GABRG1: variants seen among roughly 807,000 people sequenced by gnomAD.
GABRG1 encodes gamma-aminobutyric acid receptor subunit gamma-1.
GABRG1 carries 49 observed loss-of-function variants against 49.8 expected under a neutral mutation model. That is an observed-to-expected ratio of 0.98 (90% CI 0.78 to 1.25). The LOEUF is 1.25. GABRG1 is among the 50% of genes most tolerant of loss of function. GABRG1 has a pLI of 0.00. For missense variants in GABRG1, 552 were observed against 552.3 expected, an observed-to-expected ratio of 1.00 and a Z score of 0.01; for synonymous variants, 232 against 185.1, an observed-to-expected ratio of 1.25 and a Z score of -2.06.
intron 3 of GABRG1, among the ~76,000 whole-genome samples, chr4:46,075,522 A>G (rs997488023): frequency 4.0e-5 from 6 of 151,750 alleles, no homozygotes; most frequent in Non-Finnish European, 8.8e-5. Flanking sequence ...TAATTCCAGG[A>G]CTCCATCTGA....
chr4:46,097,966 T>C (rs1405714272), intron 1 of GABRG1, among the ~76,000 whole-genome samples: 1 of 151,768 alleles, frequency 6.6e-6, no homozygotes, highest in South Asian at 2.1e-4. Context: ...AGGTGACTCA[T>C]CTTGCACATA....
intron 4 of GABRG1, 87 bp from the exon 5 acceptor site, chr4:46,064,610 G>C: frequency 1.6e-6 from 1 of 613,992 alleles, no homozygotes; most frequent in Non-Finnish European, 2.7e-6. Flanking sequence ...ACAAGATTTT[G>C]TCATATGATA....
intron 8 of GABRG1, among the ~76,000 whole-genome samples, chr4:46,049,107 T>C (rs1468210684): frequency 2.0e-5 from 3 of 151,424 alleles, no homozygotes; most frequent in South Asian, 2.1e-4. Flanking sequence ...AATGGGGAGA[T>C]TGAAGGAAAG....
In GABRG1 at chr4:46,051,586, A is replaced by G. The variant is rs1718224344; in HGVS notation, c.969T>C (p.Ser323=). The change falls in exon 8 of 9, where the codon TCT becomes TCC. Residue 323 remains serine (S), a synonymous_variant. Coordinates refer to ENST00000295452, the MANE Select transcript of GABRG1 (RefSeq NM_173536.4). ...MTTLSTIARK[S]LPKVSYVTAM... ...CAGTCACATAAGAAACCTTAGGTAA[A>G]GACTTCCTGGCAATTGTACTCAGGG... is the stretch of plus-strand genomic sequence containing the variant. 1.9e-6 allele frequency: 3 copies of G among 1,611,516 alleles called. No homozygotes were observed. In the East Asian group the frequency reaches 6.7e-5, roughly 36 times the overall value.
In GABRG1 at chr4:46,038,781, C is replaced by T. The variant is rs1204820641; in HGVS notation, c.*2207G>A. On this transcript the variant is annotated 3_prime_UTR_variant, in exon 9 of 9. Transcript: ENST00000295452. Reference sequence around the variant, plus strand: ...ATCAAAATACCACTTGCTTTGAAAACAAAGTGCTTGCTTGATGGTATATAC... The same window carrying T: ...ATCAAAATACCACTTGCTTTGAAAATAAAGTGCTTGCTTGATGGTATATAC... The T allele has an allele frequency of 6.6e-6, 1 of 151,742 alleles. No homozygotes were observed. Among genetic ancestry groups the T allele is most frequent in the East Asian group, 1.9e-4 (1 of 5,158 alleles). 9.4% of individuals were successfully genotyped at this position (151,742 alleles called of 1,614,324 possible).
intron 1 of GABRG1, among the ~76,000 whole-genome samples, chr4:46,115,973 C>T (rs898325564): frequency 6.0e-5 from 9 of 150,558 alleles, no homozygotes; most frequent in Admixed American, 3.3e-4. Flanking sequence ...AGATTTTTTT[C>T]TTAATGCCTT....
intron 8 of GABRG1, among the ~76,000 whole-genome samples, chr4:46,041,974 T>G (rs13126067): frequency 0.56 from 85,244 of 151,802 alleles, 26,050 homozygotes; most frequent in African/African-American, 0.82. Context: ...GCTTTATTTG[T>G]AACATGTTAA....
intron 5 of GABRG1, among the ~76,000 whole-genome samples, chr4:46,063,162 A>C (rs985245921): frequency 1.3e-5 from 2 of 152,000 alleles, no homozygotes; most frequent in Non-Finnish European, 2.9e-5. Flanking sequence ...GAATTGGAAA[A>C]AACTACTTTA....
In GABRG1 at chr4:46,081,757, G is replaced by A. The variant is rs144615846; in HGVS notation, c.321+2229C>T. 4.6e-3 allele frequency among the ~76,000 whole-genome samples: 698 copies of A among 151,910 alleles called. 3 individuals are homozygous for A. The highest frequency in any genetic ancestry group is 6.7e-3 in the Non-Finnish European group (452 of 67,876). ...ACTTCAGAATGTGACTATATTTAAAGGCAGAGCATTTAAAGTCAACATGCG... is the reference window on the plus strand; with the variant it reads ...ACTTCAGAATGTGACTATATTTAAAAGCAGAGCATTTAAAGTCAACATGCG... On this transcript the variant is annotated intron_variant, in intron 3 of 8. Coordinates refer to ENST00000295452, the MANE Select transcript of GABRG1 (RefSeq NM_173536.4).
chr4:46,109,928 C>A lies in GABRG1; in HGVS notation c.105-12579G>T, dbSNP rs143416742. ...GAATTTGTTGAGATGTGCTTTATGGCTGAGCATGTGGTTGATCTTGGAGTA... is the reference window on the plus strand; with the variant it reads ...GAATTTGTTGAGATGTGCTTTATGGATGAGCATGTGGTTGATCTTGGAGTA... On this transcript the variant is annotated intron_variant, in intron 1 of 8. Transcript: ENST00000295452. 2.0e-3 allele frequency among the ~76,000 whole-genome samples: 305 copies of A among 151,128 alleles called. 1 individual carries two copies. The highest frequency in any genetic ancestry group is 3.2e-3 in the Non-Finnish European group (217 of 67,352).
intron 1 of GABRG1, among the ~76,000 whole-genome samples, chr4:46,104,794 C>T (rs1374513875): frequency 6.6e-6 from 1 of 151,236 alleles, no homozygotes; most frequent in African/African-American, 2.4e-5. Context: ...GCTGGGGATG[C>T]AAAGATGACT....
At chr4:46,093,776 A>G (rs1577660609) in intron 2 of GABRG1, among the ~76,000 whole-genome samples, 1 of 152,116 alleles carries the variant, frequency 6.6e-6, no homozygotes, top group East Asian at 1.9e-4. Flanking sequence ...AGGAGACAAA[A>G]CAATCCAAAA....
chr4:46,072,579 T>C (rs1719171425), intron 3 of GABRG1, among the ~76,000 whole-genome samples: 1 of 152,122 alleles, frequency 6.6e-6, no homozygotes, highest in Admixed American at 6.6e-5. Context: ...TTGGTCTCTC[T>C]GAAGTTTGCT....
rs75302345 is a variant in GABRG1 at position 46,111,579 on chromosome 4, C to T, written c.104+12231G>A. Among the ~76,000 whole-genome samples the T allele has an allele frequency of 3.9e-3, 598 of 151,424 alleles. 6 individuals are homozygous for T. Among genetic ancestry groups the T allele is most frequent in the African/African-American group, 0.013 (538 of 41,430 alleles). ...AACAAAGCCAGAATCATCACATTAT[C>T]TTATTTTAAACTATATGAAAAGGCT... On this transcript the variant is annotated intron_variant, in intron 1 of 8. Transcript: ENST00000295452.
intron 1 of GABRG1, among the ~76,000 whole-genome samples, chr4:46,113,204 TG>T (rs1323384111): frequency 2.0e-5 from 3 of 151,162 alleles, no homozygotes; most frequent in African/African-American, 7.3e-5. Flanking sequence ...TGCCCAAGAC[TG>T]AGTAATTTAT....
intron 7 of GABRG1, among the ~76,000 whole-genome samples, chr4:46,052,758 T>C (rs938872375): frequency 2.6e-5 from 4 of 151,940 alleles, no homozygotes; most frequent in African/African-American, 9.7e-5. Context: ...TTGACCAATA[T>C]TTATAGAGTG....
chr4:46,061,955 C>T (rs1718708267), intron 5 of GABRG1, among the ~76,000 whole-genome samples: 1 of 151,238 alleles, frequency 6.6e-6, no homozygotes, highest in African/African-American at 2.4e-5. Flanking sequence ...ATACATGTGC[C>T]ATGCTGGTGT....
chr4:46,118,276 A>G (rs568833831), intron 1 of GABRG1, among the ~76,000 whole-genome samples: 2 of 149,662 alleles, frequency 1.3e-5, no homozygotes, highest in East Asian at 2.0e-4. Context: ...CTATCTATCT[A>G]TCTACCTACC....
intron 3 of GABRG1, among the ~76,000 whole-genome samples, chr4:46,077,309 TA>T (rs919821074): frequency 2.6e-5 from 4 of 151,668 alleles, no homozygotes; most frequent in South Asian, 4.2e-4. Context: ...ATAATAGCAA[TA>T]AAATATTTTT....
Sources: gnomAD v4.1 joint callset for allele counts (sites outside exome capture counted in the v4.1 genomes callset) on GRCh38, gnomAD v4.1.1 for gene constraint, MANE v1.5 for transcripts, NCBI Gene and HGNC (gene_info 2026-07-23, HGNC 2026-07-21) for gene names.